Variants in ELP4 observed in about 807,000 individuals in gnomAD.
ELP4 encodes elongator acetyltransferase complex subunit 4.
Under a neutral mutation model 48.9 loss-of-function variants are expected in ELP4, and 51 were observed. The observed-to-expected ratio is 1.04, with a 90% CI of 0.83 to 1.32. ELP4 has a LOEUF of 1.32. Among genes scored for constraint, ELP4 ranks in the 40% most tolerant of loss-of-function variants. ELP4 has a pLI of 0.00. For missense variants in ELP4, 519 were observed against 514.6 expected (o/e 1.01, Z -0.08); for synonymous variants, 210 against 189.2 (o/e 1.11, Z -0.90).
At chr11:31,704,095 A>C (rs1309608197) in intron 9 of ELP4, among the ~76,000 whole-genome samples, 4 of 152,202 alleles carry the variant, frequency 2.6e-5, no homozygotes, top group Admixed American at 2.6e-4. Context: ...GAATTTAAAA[A>C]AAAAAAATTT....
chr11:31,604,230 G>A (rs1957830866), intron 5 of ELP4, among the ~76,000 whole-genome samples: 2 of 151,638 alleles, frequency 1.3e-5, no homozygotes, highest in South Asian at 4.1e-4. Flanking sequence ...AGCTTTAAAT[G>A]CAAATAGACA....
intron 9 of ELP4, among the ~76,000 whole-genome samples, chr11:31,746,434 C>G (rs1421912716): frequency 6.6e-6 from 1 of 152,204 alleles, no homozygotes; most frequent in African/African-American, 2.4e-5. Flanking sequence ...AAGACACATG[C>G]ACACGTGTGT....
At chr11:31,724,295 T>C (rs1947028719) in intron 9 of ELP4, among the ~76,000 whole-genome samples, 1 of 152,228 alleles carries the variant, frequency 6.6e-6, no homozygotes, top group African/African-American at 2.4e-5. Context: ...ATTTTCTTCT[T>C]GTCTCCCTGA....
intron 9 of ELP4, among the ~76,000 whole-genome samples, chr11:31,706,013 T>C (rs970903710): frequency 3.3e-5 from 5 of 152,088 alleles, no homozygotes; most frequent in Non-Finnish European, 7.4e-5. Context: ...CCACCACTCC[T>C]GGCTGATTTT....
intron 9 of ELP4, chr11:31,763,410 G>A: frequency 1.9e-6 from 3 of 1,594,738 alleles, no homozygotes; most frequent in Non-Finnish European, 2.6e-6. Context: ...CTCTGAGGCA[G>A]TGGGTGCAAG....
chr11:31,625,304 G>A (rs1190442017), intron 5 of ELP4, among the ~76,000 whole-genome samples: 2 of 151,662 alleles, frequency 1.3e-5, no homozygotes, highest in African/African-American at 4.8e-5. Context: ...TGCAGTGCAT[G>A]ACTGTATATC....
At chr11:31,700,004 C>T (rs1411756411) in intron 9 of ELP4, among the ~76,000 whole-genome samples, 1 of 151,972 alleles carries the variant, frequency 6.6e-6, no homozygotes. Flanking sequence ...GGGCAGTTGA[C>T]AAAGTTTGAA....
intron 5 of ELP4, among the ~76,000 whole-genome samples, chr11:31,613,672 C>A (rs1298848706): frequency 2.1e-5 from 3 of 145,068 alleles, no homozygotes; most frequent in African/African-American, 5.1e-5. Context: ...TATTATTATT[C>A]TTTGTATGTT....
chr11:31,778,739 G>A (rs1489000401), intron 9 of ELP4, among the ~76,000 whole-genome samples: 1 of 152,220 alleles, frequency 6.6e-6, no homozygotes, highest in African/African-American at 2.4e-5. Context: ...GTATCAAACT[G>A]TCACTCTCTG....
intron 5 of ELP4, among the ~76,000 whole-genome samples, chr11:31,605,285 G>A (rs2134004720): frequency 6.6e-6 from 1 of 152,160 alleles, no homozygotes; most frequent in Non-Finnish European, 1.5e-5. Context: ...AAAATTGGAG[G>A]TAGGGAGAAG....
chr11:31,659,177 G>T (rs999199991), intron 9 of ELP4, among the ~76,000 whole-genome samples: 2 of 152,036 alleles, frequency 1.3e-5, no homozygotes, highest in Non-Finnish European at 2.9e-5. Flanking sequence ...CCAAAAACTG[G>T]TAAAGCGGTT....
chr11:31,664,200 G>A (rs1238737768), intron 9 of ELP4: 1 of 152,156 alleles, frequency 6.6e-6, no homozygotes, highest in Admixed American at 6.6e-5. Context: ...AAAGCTGCCA[G>A]GAAGGGGTTT....
intron 9 of ELP4, chr11:31,714,863 C>G (rs1946809691): frequency 2.5e-6 from 1 of 398,228 alleles, no homozygotes; most frequent in Admixed American, 4.4e-5. Context: ...TTACATTGGA[C>G]CCACTTAAAT....
chr11:31,515,954 C>CA (rs527502229), intron 1 of ELP4, among the ~76,000 whole-genome samples: 1 of 152,030 alleles, frequency 6.6e-6, no homozygotes, highest in African/African-American at 2.4e-5. Flanking sequence ...ACTAAAAATA[C>CA]AAAAAAATTT....
intron 9 of ELP4, among the ~76,000 whole-genome samples, chr11:31,726,307 A>T (rs1947074733): frequency 6.6e-6 from 1 of 152,146 alleles, no homozygotes; most frequent in Non-Finnish European, 1.5e-5. Context: ...AATTTGGGGA[A>T]GTTCACTGTT....
intron 9 of ELP4, among the ~76,000 whole-genome samples, chr11:31,678,310 A>G (rs190329828): frequency 1.2e-3 from 189 of 152,182 alleles, no homozygotes; most frequent in Non-Finnish European, 2.0e-3. Context: ...TTAGCCAGGT[A>G]TGGTGGTGTG....
intron 1 of ELP4, chr11:31,512,010 A>G (rs1430432676): frequency 6.6e-6 from 1 of 152,246 alleles, no homozygotes; most frequent in Non-Finnish European, 1.5e-5. Context: ...AGGTTATAAT[A>G]GAATTGACTA....
intron 9 of ELP4, among the ~76,000 whole-genome samples, chr11:31,704,014 A>G (rs1946578633): frequency 6.6e-6 from 1 of 152,184 alleles, no homozygotes; most frequent in Non-Finnish European, 1.5e-5. Flanking sequence ...GATAGTAACA[A>G]TATTGTAAAG....
Position 31,745,031 on chromosome 11 carries a change from C to G in ELP4, c.1144-38362C>G, listed in dbSNP as rs535999796. 5.9e-5 allele frequency among the ~76,000 whole-genome samples: 9 copies of G among 152,314 alleles called. No individual in the cohort carries two copies. In the South Asian group the frequency reaches 1.2e-3, roughly 21 times the overall value. ...AAAATCTCCTCAAGCTGATAAGCAA[C>G]TTCAGCAAAGTCTCAGGATACAAAA... is the stretch of plus-strand genomic sequence containing the variant. On this transcript the variant is annotated intron_variant, in intron 9 of 9. Coordinates refer to ENST00000640961, the MANE Select transcript of ELP4 (RefSeq NM_019040.5).
Sources: gnomAD v4.1 joint callset for allele counts (sites outside exome capture counted in the v4.1 genomes callset) on GRCh38, gnomAD v4.1.1 for gene constraint, MANE v1.5 for transcripts, NCBI Gene and HGNC (gene_info 2026-07-23, HGNC 2026-07-21) for gene names.